Variants in CNTNAP4 observed in about 807,000 individuals in gnomAD.
CNTNAP4 encodes contactin-associated protein-like 4.
Under a neutral mutation model 148.4 loss-of-function variants are expected in CNTNAP4, and 98 were observed. The observed-to-expected ratio is 0.66, with a 90% CI of 0.56 to 0.78. The LOEUF is 0.78. CNTNAP4 is among the 30% of genes least tolerant of loss of function. The pLI, the probability that CNTNAP4 is intolerant of heterozygous loss-of-function variation, is 0.00. For synonymous variants in CNTNAP4, 730 were observed against 565.1 expected, an observed-to-expected ratio of 1.29 and a Z score of -4.14; for missense variants, 1,935 against 1,565.6, an observed-to-expected ratio of 1.24 and a Z score of -3.98.
rs879212339 is a variant in CNTNAP4 at position 76,523,246 on chromosome 16, G to A, written c.2755+989G>A. 1.9e-4 allele frequency among the ~76,000 whole-genome samples: 9 copies of A among 46,686 alleles called. No individual in the cohort carries two copies. In the East Asian group the frequency reaches 2.1e-3, roughly 11 times the overall value. 30.6% of individuals were successfully genotyped at this position (46,686 alleles called of 152,430 possible). A position where few individuals can be genotyped will look rare whatever the true frequency, so the allele number is the denominator to read the frequency against. On this transcript the variant is annotated intron_variant, in intron 17 of 23. Transcript: ENST00000611870. ...CATTGAACACTCCCCCGGCCCCCCC[G>A]CCCCACCAACCATCACATCAAAAAC...
At chr16:76,432,246 G>C (rs953893593) in intron 4 of CNTNAP4, among the ~76,000 whole-genome samples, 9 of 152,120 alleles carry the variant, frequency 5.9e-5, no homozygotes, top group Non-Finnish European at 1.2e-4. Flanking sequence ...CCTATCCTGT[G>C]ATTATTACAG....
At chr16:76,512,342 A>G (rs2083061604) in intron 15 of CNTNAP4, among the ~76,000 whole-genome samples, 1 of 152,164 alleles carries the variant, frequency 6.6e-6, no homozygotes, top group Admixed American at 6.5e-5. Flanking sequence ...AGGGGACCAT[A>G]TCACCAACCC....
chr16:76,536,474 A>T (rs1048013747), intron 18 of CNTNAP4, among the ~76,000 whole-genome samples: 1 of 152,090 alleles, frequency 6.6e-6, no homozygotes, highest in East Asian at 1.9e-4. Context: ...GGGATTACAG[A>T]CGTGAGTCCC....
At chr16:76,499,290 A>T (rs1212346622) in intron 15 of CNTNAP4, among the ~76,000 whole-genome samples, 2 of 151,986 alleles carry the variant, frequency 1.3e-5, no homozygotes, top group African/African-American at 2.4e-5. Flanking sequence ...ATTTCCTTCA[A>T]CCATTCTTCA....
At chr16:76,445,246 T>A (rs763709681) in intron 4 of CNTNAP4, among the ~76,000 whole-genome samples, 8 of 152,318 alleles carry the variant, frequency 5.3e-5, no homozygotes, top group Non-Finnish European at 1.2e-4. Context: ...ATCAACTACC[T>A]TAAGTGACTC....
At chr16:76,323,129 G>C (rs922334049) in intron 2 of CNTNAP4, among the ~76,000 whole-genome samples, 2 of 152,078 alleles carry the variant, frequency 1.3e-5, no homozygotes, top group African/African-American at 4.8e-5. Flanking sequence ...TTACACGCCT[G>C]AGCCACTGTA....
In CNTNAP4 at chr16:76,366,148, T is replaced by G. The variant is rs1024374780; in HGVS notation, c.390+10637T>G. Among the ~76,000 whole-genome samples the G allele has an allele frequency of 2.6e-5, 4 of 152,324 alleles. No homozygotes were observed. The East Asian group carries it at 5.8e-4, about 22-fold the overall frequency. On this transcript the variant is annotated intron_variant, in intron 3 of 23. Transcript: ENST00000611870. ...AAATTATAAAAAATTTGCTGAAATT[T>G]TTTTAAACTTTTAGGTTCAGGGATA...
intron 3 of CNTNAP4, among the ~76,000 whole-genome samples, chr16:76,396,516 C>T (rs1018862724): frequency 3.3e-5 from 5 of 152,186 alleles, no homozygotes; most frequent in African/African-American, 1.2e-4. Context: ...CTGGTTTAGA[C>T]ATTACTTTAG....
chr16:76,519,906 A>G (rs988379320), intron 15 of CNTNAP4, among the ~76,000 whole-genome samples: 2 of 152,244 alleles, frequency 1.3e-5, no homozygotes, highest in African/African-American at 4.8e-5. Context: ...GAATTTATAC[A>G]AAGTAAATTA....
intron 1 of CNTNAP4, among the ~76,000 whole-genome samples, chr16:76,306,803 T>C (rs1224796192): frequency 2.6e-5 from 4 of 152,204 alleles, no homozygotes; most frequent in Non-Finnish European, 5.9e-5. Flanking sequence ...TTTAAGTACC[T>C]ACTCTGTACT....
intron 3 of CNTNAP4, among the ~76,000 whole-genome samples, chr16:76,361,040 G>A (rs980063059): frequency 2.0e-5 from 3 of 151,708 alleles, no homozygotes; most frequent in East Asian, 3.9e-4. Flanking sequence ...AGCCAGGATG[G>A]CCTCGATTTG....
At chr16:76,538,061 A>G in intron 18 of CNTNAP4, 55 bp from the exon 19 acceptor site, 1 of 812,722 alleles carries the variant, frequency 1.2e-6, no homozygotes, top group Non-Finnish European at 1.7e-6. Context: ...TGTAACTAAA[A>G]CAAAATCCTT....
At chr16:76,370,766 G>C (rs571368936) in intron 3 of CNTNAP4, among the ~76,000 whole-genome samples, 103 of 152,292 alleles carry the variant, frequency 6.8e-4, no homozygotes, top group African/African-American at 2.4e-3. Context: ...AGTACTTACT[G>C]AGTGATTCCT....
intron 1 of CNTNAP4, among the ~76,000 whole-genome samples, chr16:76,289,208 C>T (rs1049505592): frequency 2.0e-5 from 3 of 152,076 alleles, no homozygotes; most frequent in Non-Finnish European, 2.9e-5. Flanking sequence ...ACTTCCAATC[C>T]ATCCTCATGT....
intron 4 of CNTNAP4, among the ~76,000 whole-genome samples, chr16:76,433,066 T>G (rs904445559): frequency 1.3e-5 from 2 of 152,116 alleles, no homozygotes; most frequent in Non-Finnish European, 2.9e-5. Flanking sequence ...TGGGAATGTT[T>G]CCACCCACTT....
chr16:76,411,086 C>T (rs965583397), intron 3 of CNTNAP4, among the ~76,000 whole-genome samples: 2 of 151,350 alleles, frequency 1.3e-5, no homozygotes, highest in African/African-American at 2.4e-5. Flanking sequence ...TAATATATGG[C>T]TTCAGAGGCC....
chr16:76,360,126 C>A (rs4888493), intron 3 of CNTNAP4, among the ~76,000 whole-genome samples: 14 of 152,068 alleles, frequency 9.2e-5, no homozygotes, highest in African/African-American at 2.7e-4. Context: ...CCTTTATTGC[C>A]TATATGAAGT....
At chr16:76,546,334 C>T (rs1039408159) in intron 21 of CNTNAP4, among the ~76,000 whole-genome samples, 4 of 152,136 alleles carry the variant, frequency 2.6e-5, no homozygotes, top group East Asian at 1.9e-4. Flanking sequence ...GGCAAGCAAG[C>T]GAAGCTTCAT....
chr16:76,551,402 AAAAT>A (rs1568614049), intron 21 of CNTNAP4, among the ~76,000 whole-genome samples: 2 of 71,932 alleles, frequency 2.8e-5, no homozygotes. Context: ...TGTTAAAAAA[AAAAT>A]ATATATATAT....
Sources: gnomAD v4.1 joint callset for allele counts (sites outside exome capture counted in the v4.1 genomes callset) on GRCh38, gnomAD v4.1.1 for gene constraint, MANE v1.5 for transcripts, NCBI Gene and HGNC (gene_info 2026-07-23, HGNC 2026-07-21) for gene names.